COBLL1: variants seen among roughly 807,000 people sequenced by gnomAD.
COBLL1 encodes the protein cordon-bleu WH2 repeat protein like 1, also known as cordon-bleu protein-like 1.
COBLL1 carries 50 observed loss-of-function variants against 94.8 expected under a neutral mutation model. The observed-to-expected ratio is 0.53, with a 90% CI of 0.42 to 0.67. The LOEUF (loss-of-function observed/expected upper bound fraction) is 0.67. Among genes scored for constraint, COBLL1 ranks in the 30% least tolerant of loss-of-function variants. The probability of loss-of-function intolerance (pLI) is 0.00; values close to 1 mark genes in which losing one functional copy is unlikely to be tolerated. For synonymous variants in COBLL1, 448 were observed against 473.8 expected (o/e 0.95, Z 0.71); for missense variants, 1,362 against 1,348.7 (o/e 1.01, Z -0.15).
intron 2 of COBLL1, among the ~76,000 whole-genome samples, chr2:164,662,409 C>T (rs923223882): frequency 6.6e-6 from 1 of 152,164 alleles, no homozygotes; most frequent in Non-Finnish European, 1.5e-5. Flanking sequence ...ATTATAAATG[C>T]ACTAATGAAG....
intron 2 of COBLL1, among the ~76,000 whole-genome samples, chr2:164,758,420 A>T (rs1365053590): frequency 2.0e-5 from 3 of 152,128 alleles, no homozygotes; most frequent in African/African-American, 7.2e-5. Flanking sequence ...ATGACCAAAT[A>T]ACTTCTCTCA....
chr2:164,711,609 G>A (rs1224487760), intron 7 of COBLL1, among the ~76,000 whole-genome samples: 5 of 151,602 alleles, frequency 3.3e-5, no homozygotes, highest in Non-Finnish European at 7.4e-5. Context: ...TGTTGAATCA[G>A]TGATGAATTC....
Position 164,694,845 on chromosome 2 carries a change from C to A in COBLL1, c.2547G>T (p.Leu849Phe). The change falls in exon 12 of 14, where the codon TTG becomes TTT. Residue 849 changes from leucine to phenylalanine, a missense_variant. Leu to Phe is a conservative substitution (Grantham distance 22). Coordinates refer to ENST00000652658, the MANE Select transcript of COBLL1 (RefSeq NM_001365672.2). ...AAGCCCGAGATTTAAATTTTGATTC[C>A]AAAATATTGTTTATTTCTTCCAAAT... is the stretch of plus-strand genomic sequence containing the variant. Reference protein sequence around the residue: ...APNLEEINNILESKFKSRASN... With the variant: ...APNLEEINNIFESKFKSRASN... The A allele has an allele frequency of 1.2e-6, 2 of 1,613,776 alleles. No individual in the cohort carries two copies. The highest frequency in any genetic ancestry group is 2.2e-5 in the South Asian group (2 of 91,072).
intron 2 of COBLL1, among the ~76,000 whole-genome samples, chr2:164,801,169 G>A (rs1381254576): frequency 1.3e-5 from 2 of 151,962 alleles, no homozygotes; most frequent in Non-Finnish European, 2.9e-5. Flanking sequence ...GCCGGGCGCG[G>A]TGGCTCACGC....
rs1019150731 is a variant in COBLL1, at chr2:164,724,961, C to T, written c.662-2439G>A. On this transcript the variant is annotated intron_variant, in intron 5 of 13. Coordinates refer to ENST00000652658, the MANE Select transcript of COBLL1 (RefSeq NM_001365672.2). Reference sequence around the variant, plus strand: ...TGACAATGCTAGCAACTAATAATAACGAACACGTAGATAGCACTTTATGGT... The same window carrying T: ...TGACAATGCTAGCAACTAATAATAATGAACACGTAGATAGCACTTTATGGT... 7.9e-5 allele frequency: 12 copies of T among 151,804 alleles called. No individual in the cohort carries two copies. The South Asian group carries it at 1.0e-3, about 13-fold the overall frequency. The allele number at this position is 151,804 out of a possible 1,614,324, so 9.4% of individuals were successfully genotyped here.
intron 2 of COBLL1, among the ~76,000 whole-genome samples, chr2:164,773,452 T>C (rs558079564): frequency 2.4e-4 from 37 of 152,256 alleles, no homozygotes; most frequent in East Asian, 1.9e-4. Flanking sequence ...CTAACATGTA[T>C]ATACATTTAA....
intron 2 of COBLL1, among the ~76,000 whole-genome samples, chr2:164,805,310 T>TCC (rs1684043984): frequency 2.6e-5 from 1 of 38,020 alleles, no homozygotes; most frequent in Non-Finnish European, 4.9e-5. Flanking sequence ...TCTCTCTCTC[T>TCC]CTCTCTCTCT....
At chr2:164,739,425 T>C (rs989878677) in intron 3 of COBLL1, among the ~76,000 whole-genome samples, 1 of 152,134 alleles carries the variant, frequency 6.6e-6, no homozygotes, top group Non-Finnish European at 1.5e-5. Context: ...TTTCCAAAAA[T>C]ATTCCCCAAG....
intron 2 of COBLL1, among the ~76,000 whole-genome samples, chr2:164,818,210 GTA>G (rs781208484): frequency 7.9e-5 from 11 of 139,578 alleles, no homozygotes; most frequent in South Asian, 2.3e-4. Flanking sequence ...ACATATGTGT[GTA>G]TATATACATA....
chr2:164,759,685 T>C (rs1229999508), intron 2 of COBLL1, among the ~76,000 whole-genome samples: 1 of 152,130 alleles, frequency 6.6e-6, no homozygotes, highest in Non-Finnish European at 1.5e-5. Flanking sequence ...AAGACATATC[T>C]AGCATATACA....
intron 13 of COBLL1, among the ~76,000 whole-genome samples, chr2:164,689,308 A>G (rs1683470948): frequency 6.6e-6 from 1 of 152,148 alleles, no homozygotes; most frequent in Admixed American, 6.5e-5. Flanking sequence ...CCTGGAGTTA[A>G]ATTGAACATT....
At chr2:164,664,200 A>G (rs1012239497) in intron 2 of COBLL1, among the ~76,000 whole-genome samples, 1 of 152,222 alleles carries the variant, frequency 6.6e-6, no homozygotes, top group Admixed American at 6.5e-5. Flanking sequence ...TTCTCTGATG[A>G]CACTGCTCAA....
In COBLL1 at chr2:164,717,040, G is replaced by A. The variant is rs1306889370; in HGVS notation, c.996+5035C>T. 2.6e-5 allele frequency among the ~76,000 whole-genome samples: 4 copies of A among 152,052 alleles called. No homozygotes were observed. In the East Asian group the frequency reaches 7.7e-4, roughly 29 times the overall value. ...TGCTAATTATAAATCCCTTTGTCAT[G>A]TGTTACTGACATTTATCTCTCTAGC... On this transcript the variant is annotated intron_variant, in intron 7 of 13. Transcript: ENST00000652658.
chr2:164,692,026 G>A (rs1166843971), intron 13 of COBLL1, among the ~76,000 whole-genome samples, 195 bp downstream of exon 13: 1 of 152,132 alleles, frequency 6.6e-6, no homozygotes, highest in Non-Finnish European at 1.5e-5. Flanking sequence ...GGCCCATGTT[G>A]TGGAAAATAG....
At chr2:164,718,225 G>C (rs1447254685) in intron 7 of COBLL1, 1 of 982,536 alleles carries the variant, frequency 1.0e-6, no homozygotes. Context: ...AATTTTGCTG[G>C]AGAACACAAT....
rs776780727 is a variant in COBLL1 at position 164,695,134 on chromosome 2, A to G, written c.2258T>C (p.Ile753Thr). The part of the protein sequence containing the change: ...EISKDWQSET[I>T]EYKDDQDMHA... ...CATGTCCTGATCATCTTTATACTCT[A>G]TGGTTTCTGATTGCCAGTCTTTCGA... Residue 753 changes from isoleucine to threonine, a missense_variant, in exon 12 of 14, where the codon ATA (isoleucine) becomes ACA (threonine). Physicochemically the swap from Ile to Thr is moderately conservative, Grantham distance 89. Coordinates refer to ENST00000652658, the MANE Select transcript of COBLL1 (RefSeq NM_001365672.2). 12 of 1,613,744 alleles carry G rather than the reference A, an allele frequency of 7.4e-6. No homozygotes were observed. The highest frequency in any genetic ancestry group is 9.3e-6 in the Non-Finnish European group (11 of 1,179,926).
chr2:164,818,310 ATACACG>A (rs1387112777), intron 2 of COBLL1, among the ~76,000 whole-genome samples: 1 of 148,884 alleles, frequency 6.7e-6, no homozygotes, highest in Non-Finnish European at 1.5e-5. Flanking sequence ...ATGTATACAT[ATACACG>A]TGTGTATGTA....
chr2:164,743,639 G>T, intron 3 of COBLL1, 48 bp downstream of exon 3: 1 of 1,420,056 alleles, frequency 7.0e-7, no homozygotes, highest in South Asian at 1.2e-5. Context: ...GACTTTCAAT[G>T]GTGGAATAAG....
intron 2 of COBLL1, among the ~76,000 whole-genome samples, chr2:164,798,266 A>G (rs186128057): frequency 1.1e-4 from 17 of 152,356 alleles, no homozygotes; most frequent in African/African-American, 4.1e-4. Context: ...TTGTTGTATA[A>G]AAGTTTTAAT....
Sources: gnomAD v4.1 joint callset for allele counts (sites outside exome capture counted in the v4.1 genomes callset) on GRCh38, gnomAD v4.1.1 for gene constraint, MANE v1.5 for transcripts, NCBI Gene and HGNC (gene_info 2026-07-23, HGNC 2026-07-21) for gene names.